Variants in COL24A1 observed in about 807,000 individuals in gnomAD.
COL24A1 encodes collagen alpha-1(XXIV) chain.
Under a neutral mutation model 253.9 loss-of-function variants are expected in COL24A1, and 224 were observed. The ratio of observed to expected loss-of-function variants is 0.88; its 90% CI spans 0.79 to 0.99. The LOEUF is 0.99. Among genes scored for constraint, COL24A1 ranks in the 50% least tolerant of loss-of-function variants. COL24A1 has a pLI of 0.00. For missense variants in COL24A1, 2,131 were observed against 2,068.5 expected (o/e 1.03, Z -0.59); for synonymous variants, 685 against 673.7 (o/e 1.02, Z -0.26).
rs1703473524 is a variant in COL24A1, at chr1:86,091,277, A to T, written c.1653+990T>A. ...TGTGTGTAACTATTGTATACCAGTA[A>T]AAAATTTAAAAACAAAATAAAATAA... On this transcript the variant is annotated intron_variant, in intron 6 of 59. Transcript: ENST00000370571. Among the ~76,000 whole-genome samples, 4 of 152,194 alleles carry T rather than the reference A, an allele frequency of 2.6e-5. No individual in the cohort carries two copies. In the South Asian group the frequency reaches 8.3e-4, roughly 32 times the overall value.
intron 24 of COL24A1, among the ~76,000 whole-genome samples, chr1:85,944,461 C>A (rs1467157003): frequency 6.6e-6 from 1 of 151,956 alleles, no homozygotes; most frequent in African/African-American, 2.4e-5. Flanking sequence ...GTAAATAAAT[C>A]TTTTTTAAAA....
intron 7 of COL24A1, among the ~76,000 whole-genome samples, chr1:86,087,690 G>A (rs1438437288): frequency 2.6e-5 from 4 of 152,298 alleles, no homozygotes; most frequent in Admixed American, 2.6e-4. Flanking sequence ...TCCATATTAT[G>A]AGGTCTTCTT....
chr1:86,100,792 T>C (rs1046178895), intron 5 of COL24A1, among the ~76,000 whole-genome samples: 2 of 152,110 alleles, frequency 1.3e-5, no homozygotes, highest in Non-Finnish European at 2.9e-5. Flanking sequence ...AGAGCTTCTG[T>C]TGGTGAACAT....
intron 24 of COL24A1, among the ~76,000 whole-genome samples, chr1:85,946,438 C>G (rs1689334373): frequency 6.6e-6 from 1 of 152,128 alleles, no homozygotes; most frequent in South Asian, 2.1e-4. Context: ...ATAATTGAAC[C>G]TGGGAGTGAC....
chr1:86,149,413 C>T (rs1429482584), intron 1 of COL24A1, among the ~76,000 whole-genome samples: 2 of 152,194 alleles, frequency 1.3e-5, no homozygotes. Flanking sequence ...AGGCTATTTA[C>T]CTTTCAAATT....
At chr1:85,851,001 G>GTGTA (rs1553198847) in intron 37 of COL24A1, among the ~76,000 whole-genome samples, 16,641 of 138,820 alleles carry the variant, frequency 0.12, 1,012 homozygotes, top group East Asian at 0.23. Context: ...GTGTGTGTGT[G>GTGTA]TATATATATA....
At chr1:85,909,638 T>C (rs898806478) in intron 26 of COL24A1, among the ~76,000 whole-genome samples, 1 of 151,846 alleles carries the variant, frequency 6.6e-6, no homozygotes, top group African/African-American at 2.4e-5. Context: ...GAAAGATTTA[T>C]ACAATCCGAA....
rs370001199 is a variant in COL24A1 at position 85,877,123 on chromosome 1, T to A, written c.3029A>T (p.Glu1010Val). Residue 1010 changes from glutamate (E) to valine (V), a missense_variant and splice_region_variant, in exon 33 of 60, where the codon GAG (glutamate) becomes GTG (valine). Coordinates refer to ENST00000370571, the MANE Select transcript of COL24A1 (RefSeq NM_152890.7). Reference protein sequence around the residue: ...DVGPPGEMGMEGPPGTEGESG... With the variant: ...DVGPPGEMGMVGPPGTEGESG... ...AAGAACTAGCCACAAAAAATTTACC[T>A]CCATGCCCATTTCTCCAGGAGGTCC... The A allele has an allele frequency of 6.2e-7, 1 of 1,605,184 alleles. No homozygotes were observed. The highest frequency in any genetic ancestry group is 8.5e-7 in the Non-Finnish European group (1 of 1,175,956).
Position 85,991,202 on chromosome 1 carries a change from G to T in COL24A1, c.2311-3548C>A, listed in dbSNP as rs1694228500. 2.0e-5 allele frequency among the ~76,000 whole-genome samples: 3 copies of T among 152,208 alleles called. No homozygotes were observed. The South Asian group carries it at 6.2e-4, about 32-fold the overall frequency. ...ATTTGCAGGAAACACACAGGACCAA[G>T]AAACAGGCAGAACTACACCATGAGA... On this transcript the variant is annotated intron_variant, in intron 19 of 59. Transcript: ENST00000370571.
chr1:85,881,271 TC>T (rs1681808557), intron 32 of COL24A1, among the ~76,000 whole-genome samples: 1 of 119,460 alleles, frequency 8.4e-6, no homozygotes, highest in African/African-American at 3.1e-5. Context: ...TCAAATCAAA[TC>T]AAACCTATTC....
intron 47 of COL24A1, among the ~76,000 whole-genome samples, chr1:85,790,468 G>T (rs1404013027): frequency 6.7e-6 from 1 of 149,814 alleles, no homozygotes; most frequent in Non-Finnish European, 1.5e-5. Flanking sequence ...GATAGCTAAT[G>T]ATCTATTTCA....
chr1:86,131,169 C>A (rs1233408772), intron 2 of COL24A1, among the ~76,000 whole-genome samples: 1 of 151,958 alleles, frequency 6.6e-6, no homozygotes, highest in East Asian at 1.9e-4. Flanking sequence ...TATCAACATT[C>A]TTCAAGAGTT....
intron 8 of COL24A1, among the ~76,000 whole-genome samples, chr1:86,059,545 T>G (rs1376014613): frequency 3.9e-5 from 6 of 152,134 alleles, no homozygotes; most frequent in Admixed American, 3.9e-4. Flanking sequence ...TCCTTAACAG[T>G]CTGAGCATGA....
chr1:86,142,128 G>A (rs1018575144), intron 2 of COL24A1, among the ~76,000 whole-genome samples: 2 of 151,708 alleles, frequency 1.3e-5, no homozygotes, highest in Non-Finnish European at 1.5e-5. Flanking sequence ...TGAAAAAATC[G>A]TCATTCTTAT....
chr1:85,781,347 A>G (rs1028360909), intron 51 of COL24A1, 74 bp from the exon 52 acceptor site: 17 of 1,035,062 alleles, frequency 1.6e-5, no homozygotes, highest in Non-Finnish European at 2.3e-5. Flanking sequence ...AATCTCTTGT[A>G]CAATGGTAAA....
chr1:85,877,212 G>T, intron 32 of COL24A1, 37 bp from the exon 33 acceptor site: 1 of 1,455,454 alleles, frequency 6.9e-7, no homozygotes, highest in Non-Finnish European at 9.4e-7. Context: ...GAGAATAAAA[G>T]TTTACTCTAT....
chr1:86,091,263 A>G (rs916820872), intron 6 of COL24A1, among the ~76,000 whole-genome samples: 11 of 152,178 alleles, frequency 7.2e-5, no homozygotes, highest in African/African-American at 2.2e-4. Context: ...GTGTGTAACT[A>G]TTGTATACCA....
At chr1:85,827,902 T>A (rs982943828) in intron 43 of COL24A1, among the ~76,000 whole-genome samples, 11 of 152,234 alleles carry the variant, frequency 7.2e-5, no homozygotes, top group African/African-American at 2.2e-4. Context: ...TTTGAAGGGT[T>A]TTTTGTGTCT....
At chr1:85,746,303 T>C (rs956348322) in intron 55 of COL24A1, among the ~76,000 whole-genome samples, 1 of 152,176 alleles carries the variant, frequency 6.6e-6, no homozygotes, top group Non-Finnish European at 1.5e-5. Context: ...TCATGGTTGG[T>C]AGTTTGAAAA....
Sources: allele counts gnomAD v4.1 joint callset (sites outside exome capture counted in the v4.1 genomes callset), GRCh38; gene constraint gnomAD v4.1.1; transcripts MANE v1.5; gene names NCBI Gene and HGNC (gene_info 2026-07-23, HGNC 2026-07-21).